Variants in MORN1 observed in about 807,000 individuals in gnomAD.
The protein encoded by MORN1 is MORN repeat containing 1, also known as MORN repeat-containing protein 1.
MORN1 carries 67 observed loss-of-function variants against 61.9 expected under a neutral mutation model. The observed-to-expected ratio is 1.08, with a 90% CI of 0.89 to 1.33. MORN1 has a LOEUF of 1.33. Ranked by LOEUF, MORN1 falls within the 40% of genes most tolerant of loss-of-function variation. The probability of loss-of-function intolerance (pLI) is 0.00; values close to 1 mark genes in which losing one functional copy is unlikely to be tolerated. For missense variants in MORN1, 752 were observed against 691.2 expected (o/e 1.09, Z -0.99); for synonymous variants, 301 against 292.0 (o/e 1.03, Z -0.31).
At position 2,322,100 on chromosome 1, in the gene MORN1, T is replaced by C. The variant is rs1463552339; in HGVS notation, c.1298-521A>G. The C allele has an allele frequency of 6.1e-6, 6 of 985,260 alleles. No homozygotes were observed. In the African/African-American group the frequency reaches 7.0e-5, roughly 11 times the overall value. The allele number at this position is 985,260 out of a possible 1,614,324, so 61.0% of individuals were successfully genotyped here. ...CTTCCCCACACCCGCGCTGGGGCTCTCCGGGTGGGGCTGGAGGGCGGCCCT... is the reference window on the plus strand; with the variant it reads ...CTTCCCCACACCCGCGCTGGGGCTCCCCGGGTGGGGCTGGAGGGCGGCCCT... On this transcript the variant is annotated intron_variant, in intron 13 of 13. Coordinates refer to ENST00000378531, the MANE Select transcript of MORN1 (RefSeq NM_024848.3).
intron 12 of MORN1, among the ~76,000 whole-genome samples, chr1:2,324,696 T>G (rs1168024956): frequency 3.3e-5 from 5 of 152,014 alleles, no homozygotes; most frequent in Non-Finnish European, 4.4e-5. Context: ...GGCCCAGGGG[T>G]CCTGCCGGGG....
At chr1:2,375,027 A>C (rs1642204000) in intron 6 of MORN1, 1 of 153,282 alleles carries the variant, frequency 6.5e-6, no homozygotes, top group South Asian at 2.0e-4. Context: ...ACACAGTTTG[A>C]AAAAATGTGC....
chr1:2,324,282 G>A (rs1424568668), intron 12 of MORN1, 139 bp from the exon 13 acceptor site: 15 of 823,292 alleles, frequency 1.8e-5, no homozygotes, highest in Middle Eastern at 3.1e-4. Context: ...ACCCCACCTC[G>A]GGGCCATGGG....
intron 6 of MORN1, among the ~76,000 whole-genome samples, chr1:2,381,372 G>A (rs1204147710): frequency 1.3e-5 from 2 of 152,228 alleles, no homozygotes; most frequent in Admixed American, 6.5e-5. Context: ...TGGTCTGCCC[G>A]TGCCTGCAGG....
chr1:2,358,057 C>T (rs964249116), intron 9 of MORN1, among the ~76,000 whole-genome samples: 2 of 152,108 alleles, frequency 1.3e-5, no homozygotes, highest in Non-Finnish European at 2.9e-5. Flanking sequence ...TTTCATGTTG[C>T]GGGGCTTAGA....
chr1:2,328,216 A>C (rs1318182927), intron 12 of MORN1, among the ~76,000 whole-genome samples: 1 of 152,208 alleles, frequency 6.6e-6, no homozygotes, highest in Admixed American at 6.5e-5. Flanking sequence ...CCTGGGCATG[A>C]AGTTAGAGCT....
Position 2,358,672 on chromosome 1 carries a change from G to A in MORN1, c.789C>T (p.Tyr263=), listed in dbSNP as rs773121962. 2.5e-5 allele frequency: 41 copies of A among 1,613,704 alleles called. No homozygotes were observed. The highest frequency in any genetic ancestry group is 2.9e-5 in the Non-Finnish European group (34 of 1,179,908). ...CCTCAGAGTAGGCTGACAGCTGCACGTATCTGACGCCCGCTGAGATCTGCA... is the reference window on the plus strand; with the variant it reads ...CCTCAGAGTAGGCTGACAGCTGCACATATCTGACGCCCGCTGAGATCTGCA... The part of the protein sequence containing the change: ...RVLQISAGVR[Y]VQLSAYSEVN... The change falls in exon 9 of 14, where the codon TAC becomes TAT. Residue 263 remains tyrosine (Y), a synonymous_variant. Coordinates refer to ENST00000378531, the MANE Select transcript of MORN1 (RefSeq NM_024848.3).
intron 4 of MORN1, 88 bp from the exon 5 acceptor site, chr1:2,385,985 C>G (rs773548553): frequency 1.5e-5 from 18 of 1,194,310 alleles, no homozygotes; most frequent in Middle Eastern, 1.9e-4. Flanking sequence ...GGAGGGCGGG[C>G]AGGAGCAAAG....
chr1:2,380,927 T>C (rs1434616214), intron 6 of MORN1, among the ~76,000 whole-genome samples: 1 of 152,216 alleles, frequency 6.6e-6, no homozygotes, highest in Non-Finnish European at 1.5e-5. Flanking sequence ...CCCCTCACTC[T>C]GGACAGCTCT....
intron 10 of MORN1, among the ~76,000 whole-genome samples, chr1:2,348,650 C>T (rs1042170691): frequency 1.3e-5 from 2 of 151,598 alleles, no homozygotes; most frequent in African/African-American, 2.4e-5. Flanking sequence ...TGCGCAGGCA[C>T]GCACACACGC....
At position 2,357,474 on chromosome 1, in the gene MORN1, C is replaced by A. The variant is rs1641801266; in HGVS notation, c.994G>T (p.Gly332Cys). The change falls in exon 10 of 14, where the codon GGT becomes TGT. Residue 332 changes from glycine to cysteine, a missense_variant. Coordinates refer to ENST00000378531, the MANE Select transcript of MORN1 (RefSeq NM_024848.3). This position sits in a 1 kb window ranked among gnomAD's most constrained non-coding sequence, Gnocchi z 6.3. ...GTGTCCTCCTGGCCATGGAGGGCAC[C>A]CAAATGCAGCTCCAGGTCTCCCCTG... ...LPRGDLELHL[G>C]ALHGQEDTPG... 3 of 1,612,184 alleles carry A rather than the reference C, an allele frequency of 1.9e-6. No homozygotes were observed. Among genetic ancestry groups the A allele is most frequent in the Non-Finnish European group, 1.7e-6 (2 of 1,179,452 alleles).
rs942778192 is a variant in MORN1, at chr1:2,340,500, T to C, written c.1037-3650A>G. On this transcript the variant is annotated intron_variant, in intron 10 of 13. Coordinates refer to ENST00000378531, the MANE Select transcript of MORN1 (RefSeq NM_024848.3). ...CCCCAAACTTCTCGGATCCTCCTTGTGGGCACCTCCTTGGCTGCAGTCCTG... is the reference window on the plus strand; with the variant it reads ...CCCCAAACTTCTCGGATCCTCCTTGCGGGCACCTCCTTGGCTGCAGTCCTG... Among the ~76,000 whole-genome samples the C allele has an allele frequency of 2.9e-4, 44 of 152,176 alleles. 2 individuals are homozygous for C. The highest frequency in any genetic ancestry group is 5.9e-5 in the Non-Finnish European group (4 of 68,024).
intron 12 of MORN1, chr1:2,326,583 G>A (rs983804206): frequency 5.3e-5 from 8 of 152,336 alleles, no homozygotes; most frequent in African/African-American, 1.9e-4. Context: ...GGTGGACTGG[G>A]GGTGCGTCTG....
At chr1:2,333,340 T>C (rs1470057556) in intron 12 of MORN1, among the ~76,000 whole-genome samples, 1 of 152,114 alleles carries the variant, frequency 6.6e-6, no homozygotes, top group Non-Finnish European at 1.5e-5. Flanking sequence ...CGGGCCCAGC[T>C]CCCGAAGCCT....
At chr1:2,387,880 AC>A in intron 3 of MORN1, 1 of 423,300 alleles carries the variant, frequency 2.4e-6, no homozygotes, top group Non-Finnish European at 4.3e-6. Context: ...GAACCCACCG[AC>A]CCCTCTGGCG....
intron 10 of MORN1, among the ~76,000 whole-genome samples, chr1:2,347,984 C>G (rs923227000): frequency 2.6e-5 from 4 of 152,246 alleles, no homozygotes; most frequent in Non-Finnish European, 5.9e-5. Context: ...CGTAACCCAG[C>G]ACAGCCGTCC....
chr1:2,362,165 G>A (rs1487244502), intron 8 of MORN1, among the ~76,000 whole-genome samples: 1 of 152,224 alleles, frequency 6.6e-6, no homozygotes, highest in Middle Eastern at 3.2e-3. Context: ...CCGGGAGGTG[G>A]AGGTTGCAAT....
intron 1 of MORN1, 61 bp from the exon 2 acceptor site, chr1:2,390,057 G>A (rs1642608336): frequency 6.7e-7 from 1 of 1,487,502 alleles, no homozygotes; most frequent in Non-Finnish European, 9.4e-7. Context: ...ATGCTCTCCA[G>A]TGCTGAAGGA....
chr1:2,342,162 A>G (rs980689241), intron 10 of MORN1, among the ~76,000 whole-genome samples: 3 of 152,290 alleles, frequency 2.0e-5, no homozygotes, highest in African/African-American at 7.2e-5. Context: ...CGAGAGGCTG[A>G]GCCAGCCCGG....
Sources: allele counts gnomAD v4.1 joint callset (sites outside exome capture counted in the v4.1 genomes callset), GRCh38; gene constraint gnomAD v4.1.1; non-coding constraint Gnocchi (gnomAD v3.1); transcripts MANE v1.5; gene names NCBI Gene and HGNC (gene_info 2026-07-23, HGNC 2026-07-21).